Variants in MSTO1 observed in about 807,000 individuals in gnomAD.
MSTO1 encodes the protein protein misato homolog 1.
A neutral mutation model predicts 55.7 loss-of-function variants in MSTO1; 24 were observed. The ratio of observed to expected loss-of-function variants is 0.43; its 90% confidence interval spans 0.31 to 0.61. The LOEUF (loss-of-function observed/expected upper bound fraction) is 0.61, where lower values mean the gene tolerates loss of function less well. MSTO1 is among the 20% of genes least tolerant of loss of function. MSTO1 has a pLI of 0.09. For synonymous variants in MSTO1, 162 were observed against 252.8 expected (o/e 0.64, Z 3.41); for missense variants, 363 against 625.7 (o/e 0.58, Z 4.48).
rs1250433856 is a variant in MSTO1 at position 155,614,933 on chromosome 1, T to C, written c.*660T>C. 3.3e-6 allele frequency: 4 copies of C among 1,213,470 alleles called. No individual in the cohort carries two copies. The highest frequency in any genetic ancestry group is 4.8e-6 in the Non-Finnish European group (4 of 838,612). 75.2% of individuals were successfully genotyped at this position (1,213,470 alleles called of 1,614,324 possible). On this transcript the variant is annotated 3_prime_UTR_variant, in exon 14 of 14. Coordinates refer to ENST00000245564, the MANE Select transcript of MSTO1 (RefSeq NM_018116.4). ...TAACATGTTAACATTTATGAAGCAC[T>C]ATATATTGATTTGCAAAATCTTTTG...
At chr1:155,591,325 T>A in the MSTO1 span, 1 of 1,242,054 alleles carries the variant, frequency 8.1e-7, no homozygotes, top group African/African-American at 1.5e-5. Context: ...AAGTCGACAC[T>A]TAATATTAAC....
chr1:155,567,278 C>T, the MSTO1 span, among the ~76,000 whole-genome samples: 1 of 151,594 alleles, frequency 6.6e-6, no homozygotes, highest in African/African-American at 2.4e-5. Flanking sequence ...TGTGTGTCAC[C>T]ACGCCTGTCT....
chr1:155,589,246 C>T, the MSTO1 span, among the ~76,000 whole-genome samples: 1 of 151,336 alleles, frequency 6.6e-6, no homozygotes, highest in Non-Finnish European at 1.5e-5. Context: ...TGCAGTGAGC[C>T]GAGATCATGC....
chr1:155,608,814 A>T (rs1411050442), upstream of MSTO1, among the ~76,000 whole-genome samples: 14 of 142,132 alleles, frequency 9.8e-5, no homozygotes, highest in African/African-American at 2.9e-4. Flanking sequence ...TTTTATTTTT[A>T]TTTTTATTTT....
chr1:155,585,384 G>C, the MSTO1 span, among the ~76,000 whole-genome samples: 1 of 152,070 alleles, frequency 6.6e-6, no homozygotes, highest in Non-Finnish European at 1.5e-5. Context: ...TTAGCCAGGC[G>C]TGGTGGCGGG....
At chr1:155,606,197 C>CATTTTTTTTTTTTTTTTTTTT (rs1558242399), upstream of MSTO1, among the ~76,000 whole-genome samples, 1 of 53,294 alleles carries the variant, frequency 1.9e-5, no homozygotes, top group African/African-American at 7.1e-5. Flanking sequence ...CCATGCCCAG[C>CATTTTTTTTTTTTTTTTTTTT]CTTTTTTTTT....
chr1:155,587,800 G>C, the MSTO1 span, among the ~76,000 whole-genome samples: 1 of 151,110 alleles, frequency 6.6e-6, no homozygotes, highest in Middle Eastern at 3.5e-3. Context: ...CATGGGATAG[G>C]ATAATTAATA....
rs1674593386 is a variant in MSTO1 at position 155,612,923 on chromosome 1, C to T, written c.1046C>T (p.Ser349Phe). The T allele has an allele frequency of 6.2e-7, 1 of 1,613,892 alleles. No individual in the cohort carries two copies. Residue 349 changes from serine to phenylalanine, a missense_variant, in exon 10 of 14, where the codon TCT (serine) becomes TTT (phenylalanine). Coordinates refer to ENST00000245564, the MANE Select transcript of MSTO1 (RefSeq NM_018116.4). ...TVTVPYRLCS[S>F]PVSMVHLADM... is the part of the protein sequence containing the mutation. The stretch of plus-strand genomic sequence containing the variant: ...ACTGTTCCTTATCGCCTGTGTTCCT[C>T]TCCAGTTTCCATGGTTCATCTGGCT...
the MSTO1 span, among the ~76,000 whole-genome samples, chr1:155,574,177 G>T: frequency 5.6e-4 from 86 of 152,232 alleles, no homozygotes; most frequent in African/African-American, 2.0e-3. Flanking sequence ...GGACAACATG[G>T]TGAAACCCCA....
At chr1:155,592,760 G>T in the MSTO1 span, among the ~76,000 whole-genome samples, 2 of 152,074 alleles carry the variant, frequency 1.3e-5, no homozygotes, top group Non-Finnish European at 2.9e-5. Context: ...TCCCCAAGTT[G>T]TCCAGGCTGG....
upstream of MSTO1, among the ~76,000 whole-genome samples, chr1:155,608,460 G>C (rs1263843786): frequency 1.3e-5 from 2 of 151,256 alleles, no homozygotes; most frequent in Non-Finnish European, 2.9e-5. Context: ...GAATACAGGC[G>C]TGAGCCTCTG....
the MSTO1 span, among the ~76,000 whole-genome samples, chr1:155,566,684 C>T: frequency 6.6e-6 from 1 of 151,920 alleles, no homozygotes; most frequent in Admixed American, 6.6e-5. Flanking sequence ...GGCGTGATCT[C>T]GGCTTACTGC....
At chr1:155,570,279 T>C in the MSTO1 span, among the ~76,000 whole-genome samples, 1 of 152,188 alleles carries the variant, frequency 6.6e-6, no homozygotes, top group Admixed American at 6.6e-5. Flanking sequence ...TAAGAAGCAG[T>C]CATAGTCCCT....
chr1:155,586,592 C>G, the MSTO1 span: 6 of 432,984 alleles, frequency 1.4e-5, no homozygotes, highest in Admixed American at 8.0e-5. Context: ...TTGTCAGTTT[C>G]CCATGTTGCA....
chr1:155,597,243 C>T, the MSTO1 span, among the ~76,000 whole-genome samples: 29 of 152,076 alleles, frequency 1.9e-4, no homozygotes, highest in Non-Finnish European at 3.7e-4. Flanking sequence ...CCAACGCAGG[C>T]GGATCACCTG....
chr1:155,587,727 G>C, the MSTO1 span, among the ~76,000 whole-genome samples: 6 of 137,246 alleles, frequency 4.4e-5, no homozygotes, highest in Admixed American at 7.6e-5. Flanking sequence ...CTGGGCGACA[G>C]AGCGAGACTC....
Position 155,612,834 on chromosome 1 carries a change from C to T in MSTO1, c.967-10C>T, listed in dbSNP as rs1050591539. The T allele has an allele frequency of 1.2e-6, 2 of 1,613,720 alleles. No individual in the cohort carries two copies. Among genetic ancestry groups the T allele is most frequent in the African/African-American group, 1.3e-5 (1 of 75,044 alleles). On this transcript the variant is annotated splice_polypyrimidine_tract_variant and intron_variant, in intron 9 of 13. Transcript: ENST00000245564. Reference sequence around the variant, plus strand: ...TGAGGCCAAGTGCCCATCTTGGTGTCTTCTTACAGGCCACTCTGCCCTTCC... The same window carrying T: ...TGAGGCCAAGTGCCCATCTTGGTGTTTTCTTACAGGCCACTCTGCCCTTCC...
chr1:155,579,923 C>A, the MSTO1 span, among the ~76,000 whole-genome samples: 2 of 151,404 alleles, frequency 1.3e-5, no homozygotes, highest in African/African-American at 4.9e-5. Flanking sequence ...ACTAAAAATA[C>A]AAAAATTAGC....
At chr1:155,586,300 C>T in the MSTO1 span, among the ~76,000 whole-genome samples, 4 of 151,274 alleles carry the variant, frequency 2.6e-5, no homozygotes, top group Non-Finnish European at 5.9e-5. Flanking sequence ...GCCTCGGCCT[C>T]CCTAAGTGCT....
Sources: allele counts gnomAD v4.1 joint callset (sites outside exome capture counted in the v4.1 genomes callset), GRCh38; gene constraint gnomAD v4.1.1; transcripts MANE v1.5; gene names NCBI Gene and HGNC (gene_info 2026-07-23, HGNC 2026-07-21).